The following ALOX5 variants were observed in gnomAD, a reference collection of about 807,000 sequenced individuals.
ALOX5 encodes polyunsaturated fatty acid 5-lipoxygenase.
In ALOX5, 64 loss-of-function variants were observed where a neutral mutation model predicts 87.9. The observed-to-expected ratio is 0.73, with a 90% CI of 0.60 to 0.90. The LOEUF is 0.90. Among genes scored for constraint, ALOX5 ranks in the 40% least tolerant of loss-of-function variants. The probability of loss-of-function intolerance (pLI) is 0.00; values close to 1 mark genes in which losing one functional copy is unlikely to be tolerated. For synonymous variants in ALOX5, 388 were observed against 355.1 expected, an observed-to-expected ratio of 1.09 and a Z score of -1.04; for missense variants, 822 against 907.5, an observed-to-expected ratio of 0.91 and a Z score of 1.21.
intron 3 of ALOX5, among the ~76,000 whole-genome samples, chr10:45,401,413 G>T (rs148293457): frequency 6.6e-6 from 1 of 152,122 alleles, no homozygotes; most frequent in Non-Finnish European, 1.5e-5. Flanking sequence ...CCTATTTTCT[G>T]TATGAATTAT....
chr10:45,379,535 A>T (rs1199594974), intron 1 of ALOX5, among the ~76,000 whole-genome samples: 2 of 152,058 alleles, frequency 1.3e-5, no homozygotes, highest in Non-Finnish European at 2.9e-5. Flanking sequence ...TCCTCCTCCC[A>T]TGTGTGCTCC....
At chr10:45,416,384 C>A (rs1354450412) in intron 4 of ALOX5, among the ~76,000 whole-genome samples, 4 of 152,160 alleles carry the variant, frequency 2.6e-5, no homozygotes, top group South Asian at 2.1e-4. Context: ...AAAATTAAAA[C>A]CTAACATCTG....
intron 1 of ALOX5, among the ~76,000 whole-genome samples, chr10:45,380,203 G>A (rs1839778393): frequency 6.6e-6 from 1 of 152,262 alleles, no homozygotes; most frequent in Admixed American, 6.5e-5. Context: ...TGGCAGATGA[G>A]GCTGATACTC....
intron 4 of ALOX5, 66 bp downstream of exon 4, chr10:45,412,379 C>T (rs1369822568): frequency 6.3e-7 from 1 of 1,592,754 alleles, no homozygotes; most frequent in African/African-American, 1.3e-5. Context: ...GGGTGGAACC[C>T]TCACTCCTTT....
At chr10:45,431,862 G>A (rs1307182819) in intron 7 of ALOX5, among the ~76,000 whole-genome samples, 7 of 152,050 alleles carry the variant, frequency 4.6e-5, no homozygotes, top group Admixed American at 2.6e-4. Flanking sequence ...GTGAGCTACC[G>A]CACCCGGCCA....
chr10:45,386,194 G>A (rs1840001964), intron 2 of ALOX5, among the ~76,000 whole-genome samples: 1 of 152,054 alleles, frequency 6.6e-6, no homozygotes, highest in African/African-American at 2.4e-5. Context: ...CCAGCTACTT[G>A]GGAGGCTGAG....
At chr10:45,382,366 T>A in intron 1 of ALOX5, 117 bp from the exon 2 acceptor site, 1 of 1,049,192 alleles carries the variant, frequency 9.5e-7, no homozygotes, top group Non-Finnish European at 1.4e-6. Context: ...TAAGTGCTTT[T>A]CATTCAACGT....
intron 5 of ALOX5, 52 bp from the exon 6 acceptor site, chr10:45,424,908 C>T: frequency 6.2e-7 from 1 of 1,601,868 alleles, no homozygotes; most frequent in Middle Eastern, 1.7e-4. Context: ...GGCCATGGCC[C>T]TGGCTGCCCT....
Position 45,446,051 on chromosome 10 carries a change from C to A in ALOX5, c.*364C>A, listed in dbSNP as rs41314980. 0.032 allele frequency: 7,747 copies of A among 240,086 alleles called. 200 individuals are homozygous for A. Among genetic ancestry groups the A allele is most frequent in the Non-Finnish European group, 0.043 (5,392 of 125,638 alleles). 14.9% of individuals were successfully genotyped at this position (240,086 alleles called of 1,614,324 possible). The stretch of plus-strand genomic sequence containing the variant: ...TCCAATTCCTTGCACATAGTAGGTA[C>A]CCAATTCAATTACTATTGAATGAAT... On this transcript the variant is annotated 3_prime_UTR_variant, in exon 14 of 14. Coordinates refer to ENST00000374391, the MANE Select transcript of ALOX5 (RefSeq NM_000698.5).
At chr10:45,403,494 G>A (rs1052957412) in intron 3 of ALOX5, among the ~76,000 whole-genome samples, 2 of 152,154 alleles carry the variant, frequency 1.3e-5, no homozygotes, top group African/African-American at 4.8e-5. Context: ...GGGAAAGGTG[G>A]GGGTGAGGGT....
Position 45,412,495 on chromosome 10 carries a change from T to C in ALOX5, c.554+182T>C, listed in dbSNP as rs1157385256. Among the ~76,000 whole-genome samples, 18 of 152,212 alleles carry C rather than the reference T, an allele frequency of 1.2e-4. No individual in the cohort carries two copies. The East Asian group carries it at 1.5e-3, about 13-fold the overall frequency. On this transcript the variant is annotated intron_variant, in intron 4 of 13. Coordinates refer to ENST00000374391, the MANE Select transcript of ALOX5 (RefSeq NM_000698.5). ...CAACGCACAATTGCAGGACAACCGGTATCTTAAAAAAGGCATAACCAGAGG... is the reference window on the plus strand; with the variant it reads ...CAACGCACAATTGCAGGACAACCGGCATCTTAAAAAAGGCATAACCAGAGG...
At chr10:45,383,909 G>A (rs1315238876) in intron 2 of ALOX5, among the ~76,000 whole-genome samples, 1 of 152,160 alleles carries the variant, frequency 6.6e-6, no homozygotes, top group Non-Finnish European at 1.5e-5. Context: ...CTGGTAGTTA[G>A]AAAATGCTGG....
At chr10:45,430,112 C>G (rs1841859465) in intron 7 of ALOX5, among the ~76,000 whole-genome samples, 1 of 152,156 alleles carries the variant, frequency 6.6e-6, no homozygotes, top group African/African-American at 2.4e-5. Flanking sequence ...GACAAAATTG[C>G]TGGGAGATCC....
intron 2 of ALOX5, 135 bp from the exon 3 acceptor site, chr10:45,395,720 C>T: frequency 2.9e-6 from 2 of 681,374 alleles, no homozygotes; most frequent in South Asian, 1.8e-5. Flanking sequence ...TGGGGAAGTG[C>T]TCTGAGGCTC....
chr10:45,381,715 C>T (rs1442373547), intron 1 of ALOX5, among the ~76,000 whole-genome samples: 5 of 152,236 alleles, frequency 3.3e-5, no homozygotes, highest in South Asian at 4.1e-4. Context: ...GCAGGCGTTG[C>T]CCTCTGAGCA....
chr10:45,431,731 C>T (rs1841908908), intron 7 of ALOX5, among the ~76,000 whole-genome samples: 1 of 151,934 alleles, frequency 6.6e-6, no homozygotes, highest in South Asian at 2.1e-4. Flanking sequence ...TGCCACCACG[C>T]CCAGCTAATT....
rs1457748606 is a variant in ALOX5 at position 45,443,832 on chromosome 10, G to C, written c.1674+4G>C. 2.5e-6 allele frequency: 4 copies of C among 1,597,514 alleles called. No homozygotes were observed. In the African/African-American group the frequency reaches 5.4e-5, roughly 21 times the overall value. On this transcript the variant is annotated splice_donor_region_variant and intron_variant, in intron 12 of 13. Transcript: ENST00000374391. ...CGCCGCGGTCAACTTCGGCCAGGTA[G>C]GCAGGGCCGGGCCCGCTGGGCAGGG...
chr10:45,441,789 C>A (rs558543054), intron 9 of ALOX5, among the ~76,000 whole-genome samples: 12 of 152,146 alleles, frequency 7.9e-5, no homozygotes, highest in East Asian at 7.8e-4. Flanking sequence ...ATCTGCCACA[C>A]CCCTGCCACC....
chr10:45,411,479 A>G (rs1460810226), intron 3 of ALOX5, among the ~76,000 whole-genome samples: 1 of 152,204 alleles, frequency 6.6e-6, no homozygotes, highest in Non-Finnish European at 1.5e-5. Context: ...CAAAATAAAC[A>G]TTTTTCAAAA....
Sources: gnomAD v4.1 joint callset for allele counts (sites outside exome capture counted in the v4.1 genomes callset) on GRCh38, gnomAD v4.1.1 for gene constraint, MANE v1.5 for transcripts, NCBI Gene and HGNC (gene_info 2026-07-23, HGNC 2026-07-21) for gene names.